ORC3: variants seen among roughly 807,000 people sequenced by gnomAD.
The protein encoded by ORC3 is origin recognition complex subunit 3.
A neutral mutation model predicts 100.7 loss-of-function variants in ORC3; 78 were observed. The ratio of observed to expected loss-of-function variants is 0.77; its 90% CI spans 0.65 to 0.94. The LOEUF (loss-of-function observed/expected upper bound fraction) is 0.94. Among genes scored for constraint, ORC3 ranks in the 40% least tolerant of loss-of-function variants. The pLI is 0.00. For synonymous variants in ORC3, 295 were observed against 289.3 expected (o/e 1.02, Z -0.20); for missense variants, 789 against 823.9 (o/e 0.96, Z 0.52).
chr6:87,665,499 TCTTTTAC>T (rs772630965), intron 18 of ORC3, among the ~76,000 whole-genome samples: 18 of 152,220 alleles, frequency 1.2e-4, no homozygotes, highest in Non-Finnish European at 2.1e-4. Context: ...GCTTTCTTGT[TCTTTTAC>T]CTTTGACTAG....
At chr6:87,628,565 A>C (rs1780088878) in intron 11 of ORC3, among the ~76,000 whole-genome samples, 1 of 152,226 alleles carries the variant, frequency 6.6e-6, no homozygotes, top group Non-Finnish European at 1.5e-5. Context: ...ACTAGACTTT[A>C]AATCCTTTTA....
At chr6:87,652,791 A>G (rs1769378706) in intron 13 of ORC3, among the ~76,000 whole-genome samples, 1 of 152,220 alleles carries the variant, frequency 6.6e-6, no homozygotes, top group Non-Finnish European at 1.5e-5. Context: ...TAAGCAAGTT[A>G]TTATTTCCAT....
intron 11 of ORC3, among the ~76,000 whole-genome samples, chr6:87,634,169 C>T (rs1490720285): frequency 6.6e-6 from 1 of 152,144 alleles, no homozygotes; most frequent in Non-Finnish European, 1.5e-5. Context: ...CACTATCCCT[C>T]ATGTCATCAT....
chr6:87,659,117 G>A (rs976848897), intron 16 of ORC3, among the ~76,000 whole-genome samples: 1 of 143,650 alleles, frequency 7.0e-6, no homozygotes, highest in African/African-American at 2.7e-5. Context: ...AGGCTGGAGT[G>A]CAGTGGTGTG....
chr6:87,657,014 C>T (rs1332263459), intron 15 of ORC3, 32 bp downstream of exon 15: 3 of 1,347,602 alleles, frequency 2.2e-6, no homozygotes, highest in Non-Finnish European at 3.2e-6. Context: ...CCAGCTGCAT[C>T]CTGTGACACT....
intron 14 of ORC3, among the ~76,000 whole-genome samples, chr6:87,655,542 G>A (rs1398789601): frequency 2.0e-5 from 3 of 151,830 alleles, no homozygotes; most frequent in Non-Finnish European, 4.4e-5. Context: ...TTGTAGGGAT[G>A]GGGTTTTTCC....
intron 11 of ORC3, among the ~76,000 whole-genome samples, chr6:87,632,984 C>T (rs1160006633): frequency 3.3e-5 from 5 of 152,146 alleles, no homozygotes; most frequent in East Asian, 1.9e-4. Flanking sequence ...GTTTATATTC[C>T]TCATCGAACA....
rs558335484 is a variant in ORC3 at position 87,661,341 on chromosome 6, A to G, written c.1692-1662A>G. ...GTTAACAGTATCTGAGGTATAGAATATTGTTTCTTAGTGAGGATCAAGTCA... is the reference window on the plus strand; with the variant it reads ...GTTAACAGTATCTGAGGTATAGAATGTTGTTTCTTAGTGAGGATCAAGTCA... On this transcript the variant is annotated intron_variant, in intron 16 of 19. Transcript: ENST00000392844. 5.9e-5 allele frequency among the ~76,000 whole-genome samples: 9 copies of G among 152,170 alleles called. No homozygotes were observed. The South Asian group carries it at 1.9e-3, about 32-fold the overall frequency.
chr6:87,656,262 A>AT (rs1469568866), intron 14 of ORC3, among the ~76,000 whole-genome samples: 1 of 152,148 alleles, frequency 6.6e-6, no homozygotes, highest in Non-Finnish European at 1.5e-5. Flanking sequence ...AGTTTTTATT[A>AT]TTTTTTTAAA....
intron 13 of ORC3, among the ~76,000 whole-genome samples, chr6:87,652,043 C>T (rs568084781): frequency 4.7e-4 from 71 of 151,926 alleles, no homozygotes; most frequent in Non-Finnish European, 2.8e-4. Context: ...GGACTACAGG[C>T]GCCCACCACT....
At position 87,603,491 on chromosome 6, in the gene ORC3, A is replaced by G; in HGVS notation, c.285A>G (p.Ile95Met). The G allele has an allele frequency of 6.5e-7, 1 of 1,526,834 alleles. No homozygotes were observed. The highest frequency in any genetic ancestry group is 8.9e-7 in the Non-Finnish European group (1 of 1,119,098). The allele number at this position is 1,526,834 out of a possible 1,614,324, so 94.6% of individuals were successfully genotyped here. Residue 95 changes from isoleucine (I) to methionine (M), a missense_variant, in exon 4 of 20, where the codon ATA (isoleucine) becomes ATG (methionine). Coordinates refer to ENST00000392844, the MANE Select transcript of ORC3 (RefSeq NM_012381.4). ...ATTCAAGAGACTTGGGCGGTCAAAT[A>G]AAACTCAGAGAAATTCCAACTGCTG... Reference protein sequence around the residue: ...QKNSRDLGGQIKLREIPTAAL... With the variant: ...QKNSRDLGGQMKLREIPTAAL...
chr6:87,641,606 A>G (rs780535910), intron 13 of ORC3, among the ~76,000 whole-genome samples: 68 of 152,202 alleles, frequency 4.5e-4, no homozygotes, highest in Non-Finnish European at 4.3e-4. Context: ...GAGCTTGCAA[A>G]GAAACAGACT....
In ORC3 at chr6:87,609,164, C is replaced by T. The variant is rs745988058; in HGVS notation, c.648C>T (p.Val216=). 13 of 1,610,218 alleles carry T rather than the reference C, an allele frequency of 8.1e-6. No homozygotes were observed. The highest frequency in any genetic ancestry group is 1.3e-5 in the African/African-American group (1 of 74,856). ...TSSQWQSPPV[V]VILKDMESFA... is the part of the protein sequence containing the mutation. ...GCCAATGGCAGTCTCCTCCTGTTGT[C>T]GTTATCTTGAAGGATATGGAAAGCT... Residue 216 remains valine (V), a synonymous_variant, in exon 7 of 20, where the codon GTC becomes GTT. Coordinates refer to ENST00000392844, the MANE Select transcript of ORC3 (RefSeq NM_012381.4).
intron 14 of ORC3, among the ~76,000 whole-genome samples, chr6:87,653,975 T>C (rs1228562263): frequency 6.6e-6 from 1 of 152,168 alleles, no homozygotes; most frequent in Non-Finnish European, 1.5e-5. Flanking sequence ...CACCAAAGTA[T>C]GGTATTCTTT....
Position 87,607,759 on chromosome 6 carries a change from G to A in ORC3, c.514G>A (p.Val172Ile), listed in dbSNP as rs139602020. 2.1e-5 allele frequency: 34 copies of A among 1,612,332 alleles called. No homozygotes were observed. Among genetic ancestry groups the A allele is most frequent in the African/African-American group, 1.1e-4 (8 of 75,006 alleles). Reference protein sequence around the residue: ...IKSKEEESVHVTQRKTHYSMD... With the variant: ...IKSKEEESVHITQRKTHYSMD... ...ATCCAAAGAGGAGGAAAGTGTTCAC[G>A]TCACCCAAAGAAAGACACATTATTC... Residue 172 changes from valine (V) to isoleucine (I), a missense_variant, in exon 6 of 20, where the codon GTC becomes ATC. By Grantham distance (29) the Val-to-Ile change is conservative. Transcript: ENST00000392844.
intron 5 of ORC3, 38 bp downstream of exon 5, chr6:87,606,059 T>C (rs1439116587): frequency 1.9e-6 from 2 of 1,074,978 alleles, no homozygotes; most frequent in Admixed American, 3.7e-5. Context: ...TGATGAGATG[T>C]TACAGACTTC....
chr6:87,651,457 C>G (rs758461791), intron 13 of ORC3: 2 of 333,118 alleles, frequency 6.0e-6, no homozygotes, highest in Non-Finnish European at 1.2e-5. Context: ...ATAACTCTAT[C>G]TGGGCAATAG....
intron 11 of ORC3, among the ~76,000 whole-genome samples, chr6:87,623,262 A>G (rs1012016881): frequency 2.0e-5 from 3 of 152,238 alleles, no homozygotes; most frequent in Non-Finnish European, 4.4e-5. Flanking sequence ...GGGCCGTAAT[A>G]TAAAGTCACT....
chr6:87,639,933 G>A (rs1414957401), intron 13 of ORC3, among the ~76,000 whole-genome samples: 2 of 151,940 alleles, frequency 1.3e-5, no homozygotes. Context: ...GGAGGCAAAG[G>A]TTGCCCTGAG....
Sources: allele counts gnomAD v4.1 joint callset (sites outside exome capture counted in the v4.1 genomes callset), GRCh38; gene constraint gnomAD v4.1.1; transcripts MANE v1.5; gene names NCBI Gene and HGNC (gene_info 2026-07-23, HGNC 2026-07-21).